Variants in CSTPP1 observed in about 807,000 individuals in gnomAD.
CSTPP1 encodes the protein UPF0705 protein C11orf49.
the CSTPP1 span, among the ~76,000 whole-genome samples, chr11:47,105,411 G>A: frequency 6.6e-6 from 1 of 152,164 alleles, no homozygotes; most frequent in East Asian, 1.9e-4. Context: ...TGAGGTGGGA[G>A]GATCACGTGA....
At chr11:47,026,791 T>A in the CSTPP1 span, among the ~76,000 whole-genome samples, 3 of 152,110 alleles carry the variant, frequency 2.0e-5, no homozygotes, top group Non-Finnish European at 2.9e-5. Context: ...GGCATGAGAA[T>A]CACTTGAACT....
the CSTPP1 span, among the ~76,000 whole-genome samples, chr11:46,992,220 T>G: frequency 5.3e-5 from 8 of 151,810 alleles, no homozygotes; most frequent in Non-Finnish European, 1.0e-4. Flanking sequence ...CTCCCTTTCT[T>G]TTTTTATTTT....
At chr11:47,072,697 A>C in the CSTPP1 span, among the ~76,000 whole-genome samples, 19 of 147,914 alleles carry the variant, frequency 1.3e-4, no homozygotes, top group African/African-American at 4.4e-4. Context: ...ACACACACAC[A>C]TATATGGATA....
At chr11:47,054,501 C>T in the CSTPP1 span, among the ~76,000 whole-genome samples, 5 of 151,754 alleles carry the variant, frequency 3.3e-5, no homozygotes, top group African/African-American at 9.7e-5. Flanking sequence ...TTTGTAGAGA[C>T]GGGGTTTTGC....
the CSTPP1 span, among the ~76,000 whole-genome samples, chr11:47,072,925 T>C: frequency 6.6e-6 from 1 of 152,290 alleles, no homozygotes; most frequent in African/African-American, 2.4e-5. Flanking sequence ...ATATTTATTG[T>C]GAGAACAGCA....
chr11:46,952,044 T>A, the CSTPP1 span, among the ~76,000 whole-genome samples: 1 of 152,282 alleles, frequency 6.6e-6, no homozygotes, highest in East Asian at 1.9e-4. Context: ...AGGGCTGAGC[T>A]GGTGTTATAA....
the CSTPP1 span, among the ~76,000 whole-genome samples, chr11:47,031,108 T>A: frequency 6.6e-6 from 1 of 152,362 alleles, no homozygotes; most frequent in East Asian, 1.9e-4. Flanking sequence ...CAGAATAATT[T>A]AAATCAATTC....
the CSTPP1 span, among the ~76,000 whole-genome samples, chr11:47,014,725 A>G: frequency 6.7e-6 from 1 of 148,652 alleles, no homozygotes; most frequent in Non-Finnish European, 1.5e-5. Context: ...AAGAGAGAGA[A>G]AGAAAGAGAG....
At chr11:46,983,442 T>C in the CSTPP1 span, among the ~76,000 whole-genome samples, 1 of 152,208 alleles carries the variant, frequency 6.6e-6, no homozygotes, top group African/African-American at 2.4e-5. Context: ...TTTAGGACAC[T>C]AGAGCGTAGG....
At chr11:46,992,576 T>C in the CSTPP1 span, among the ~76,000 whole-genome samples, 1 of 152,134 alleles carries the variant, frequency 6.6e-6, no homozygotes, top group African/African-American at 2.4e-5. Context: ...TCTCATCCTT[T>C]TTTATGGCTG....
At chr11:46,991,196 G>GTT in the CSTPP1 span, among the ~76,000 whole-genome samples, 5 of 136,228 alleles carry the variant, frequency 3.7e-5, no homozygotes, top group East Asian at 2.1e-4. Flanking sequence ...CTTGAACATA[G>GTT]TTTTTTTTTT....
At chr11:47,126,075 T>C in the CSTPP1 span, among the ~76,000 whole-genome samples, 3 of 152,128 alleles carry the variant, frequency 2.0e-5, no homozygotes, top group African/African-American at 7.2e-5. Context: ...TACTTTTCTC[T>C]TCCTAATCTG....
At chr11:47,097,206 T>C in the CSTPP1 span, among the ~76,000 whole-genome samples, 1 of 106,192 alleles carries the variant, frequency 9.4e-6, no homozygotes, top group Non-Finnish European at 2.0e-5. Flanking sequence ...GGGGCGCCTC[T>C]GCCCAGCCGC....
the CSTPP1 span, among the ~76,000 whole-genome samples, chr11:46,995,502 A>G: frequency 6.6e-6 from 1 of 152,198 alleles, no homozygotes; most frequent in Non-Finnish European, 1.5e-5. Context: ...GTTTCAAAGA[A>G]CATCTTTATT....
chr11:47,146,747 T>C, the CSTPP1 span, among the ~76,000 whole-genome samples: 1 of 152,228 alleles, frequency 6.6e-6, no homozygotes, highest in African/African-American at 2.4e-5. Flanking sequence ...TTGTTTGTAA[T>C]GGCCGCCATT....
At chr11:47,054,267 C>T in the CSTPP1 span, among the ~76,000 whole-genome samples, 4 of 142,560 alleles carry the variant, frequency 2.8e-5, no homozygotes, top group South Asian at 2.3e-4. Context: ...TCCAAGATCG[C>T]GCTACTGCAC....
the CSTPP1 span, among the ~76,000 whole-genome samples, chr11:47,109,645 C>G: frequency 6.6e-6 from 1 of 152,182 alleles, no homozygotes; most frequent in Admixed American, 6.5e-5. Context: ...ATCCTGCACT[C>G]ATTTGCATGG....
the CSTPP1 span, among the ~76,000 whole-genome samples, chr11:47,114,067 G>A: frequency 1.3e-5 from 2 of 152,122 alleles, no homozygotes; most frequent in Non-Finnish European, 1.5e-5. Context: ...TCTACATATG[G>A]CTAGCCAGTT....
the CSTPP1 span, among the ~76,000 whole-genome samples, chr11:47,076,606 C>T: frequency 3.3e-5 from 5 of 151,938 alleles, no homozygotes; most frequent in East Asian, 3.9e-4. Context: ...TTTGGGAGGC[C>T]GAGGAGGGCA....
Sources: gnomAD v4.1 joint callset for allele counts (sites outside exome capture counted in the v4.1 genomes callset) on GRCh38, gnomAD v4.1.1 for gene constraint, MANE v1.5 for transcripts, NCBI Gene and HGNC (gene_info 2026-07-23, HGNC 2026-07-21) for gene names.